The following RMDN3 variants were observed in gnomAD, a reference collection of about 807,000 sequenced individuals.
The protein encoded by RMDN3 is regulator of microtubule dynamics protein 3.
A neutral mutation model predicts 61.8 loss-of-function variants in RMDN3; 41 were observed. That is an observed-to-expected ratio of 0.66 (90% CI 0.52 to 0.86). The LOEUF (loss-of-function observed/expected upper bound fraction) is 0.86. RMDN3 is among the 40% of genes least tolerant of loss of function. The probability of loss-of-function intolerance (pLI) is 0.00; values close to 1 mark genes in which losing one functional copy is unlikely to be tolerated. For missense variants in RMDN3, 557 were observed against 585.3 expected, an observed-to-expected ratio of 0.95 and a Z score of 0.50; for synonymous variants, 247 against 232.0, an observed-to-expected ratio of 1.06 and a Z score of -0.59.
At chr15:40,741,441 G>A (rs1269974161) in intron 6 of RMDN3, among the ~76,000 whole-genome samples, 1 of 152,056 alleles carries the variant, frequency 6.6e-6, no homozygotes. Flanking sequence ...GGTCTGACCA[G>A]AGATGACGTT....
In RMDN3 at chr15:40,737,167, C is replaced by G. The variant is rs1237880767; in HGVS notation, c.1316G>C (p.Trp439Ser). 2 of 1,614,242 alleles carry G rather than the reference C, an allele frequency of 1.2e-6. No individual in the cohort carries two copies. Among genetic ancestry groups the G allele is most frequent in the Admixed American group, 3.3e-5 (2 of 60,026 alleles). The change falls in exon 12 of 13, where the codon TGG (tryptophan) becomes TCG (serine). Residue 439 changes from tryptophan to serine, a missense_variant. Transcript: ENST00000338376. ...CAGCTCCAGGGCCAACTTCATCCACCATCTAGCTTCAGAGTTTTTCCCTAG... is the reference window on the plus strand; with the variant it reads ...CAGCTCCAGGGCCAACTTCATCCACGATCTAGCTTCAGAGTTTTTCCCTAG... The part of the protein sequence containing the change: ...RELGKNSEAR[W>S]WMKLALELPD...
Position 40,738,042 on chromosome 15 carries a change from CCTAAGGGGAAAATGTAAATATAAA to C in RMDN3, c.1048-24_1048-1del. ...AGAGCAATGGCTTTGTCCACATGCT[CCTAAGGGGAAAATGTAAATATAAA>C]CTAACATCAGACACCAGAGTTGCTA... On this transcript the variant is annotated splice_acceptor_variant and splice_polypyrimidine_tract_variant and intron_variant, in intron 8 of 12. Transcript: ENST00000338376. LOFTEE classifies it high-confidence loss of function. The C allele has an allele frequency of 6.2e-7, 1 of 1,614,004 alleles. No homozygotes were observed. The highest frequency in any genetic ancestry group is 8.5e-7 in the Non-Finnish European group (1 of 1,179,956).
chr15:40,746,056 A>C (rs1014638688), intron 4 of RMDN3, among the ~76,000 whole-genome samples: 24 of 152,236 alleles, frequency 1.6e-4, no homozygotes, highest in African/African-American at 5.8e-4. Context: ...GGGGGCTGCC[A>C]TATGCCAGGT....
chr15:40,740,329 T>G, intron 6 of RMDN3, 136 bp from the exon 7 acceptor site: 1 of 698,436 alleles, frequency 1.4e-6, no homozygotes, highest in Non-Finnish European at 2.6e-6. Flanking sequence ...AGTTGTGAAC[T>G]TGAGCAGAAT....
In RMDN3 at chr15:40,736,243, T is replaced by G. The variant is rs1241136321; in HGVS notation, c.*298A>C. ...ATCCACCTCACCAGCAATTGGAAGG[T>G]CTCAGGTCTTGCAGGCTCTACCCAT... is the stretch of plus-strand genomic sequence containing the variant. On this transcript the variant is annotated 3_prime_UTR_variant, in exon 13 of 13. Transcript: ENST00000338376. 2.5e-6 allele frequency: 1 copy of G among 401,096 alleles called. No homozygotes were observed. Among genetic ancestry groups the G allele is most frequent in the Non-Finnish European group, 4.4e-6 (1 of 225,778 alleles). 24.8% of individuals were successfully genotyped at this position (401,096 alleles called of 1,614,324 possible). A position where few individuals can be genotyped will look rare whatever the true frequency, so the allele number is the denominator to read the frequency against.
rs1210439366 is a variant in RMDN3, at chr15:40,746,300, G to A, written c.525-1041C>T. Among the ~76,000 whole-genome samples, 4 of 152,128 alleles carry A rather than the reference G, an allele frequency of 2.6e-5. No individual in the cohort carries two copies. In the East Asian group the frequency reaches 7.7e-4, roughly 29 times the overall value. On this transcript the variant is annotated intron_variant, in intron 4 of 12. Coordinates refer to ENST00000338376, the MANE Select transcript of RMDN3 (RefSeq NM_018145.3). Reference sequence around the variant, plus strand: ...GGAGGCCGAGGCGGGCGGATCAGGAGGTCAGGAGATCAAGACCATCCTGGC... The same window carrying A: ...GGAGGCCGAGGCGGGCGGATCAGGAAGTCAGGAGATCAAGACCATCCTGGC...
chr15:40,737,413 G>T, intron 10 of RMDN3, 72 bp from the exon 11 acceptor site: 1 of 1,429,246 alleles, frequency 7.0e-7, no homozygotes, highest in Non-Finnish European at 9.9e-7. Flanking sequence ...TATTAAACTA[G>T]ATTTCTAGTC....
At chr15:40,738,228 A>C (rs1897140669) in intron 8 of RMDN3, among the ~76,000 whole-genome samples, 186 bp from the exon 9 acceptor site, 1 of 152,186 alleles carries the variant, frequency 6.6e-6, no homozygotes. Context: ...TCTGTGCTAA[A>C]GATACAAAAA....
chr15:40,737,597 T>C (rs1317757153), intron 10 of RMDN3, 31 bp downstream of exon 10: 1 of 1,564,206 alleles, frequency 6.4e-7, no homozygotes, highest in South Asian at 1.1e-5. Context: ...GTTACCCTGG[T>C]GTTTTTGCCT....
In RMDN3 at chr15:40,738,592, C is replaced by A. The variant is rs1447150900; in HGVS notation, c.972-16G>T. 1 of 1,614,024 alleles carries A rather than the reference C, an allele frequency of 6.2e-7. No individual in the cohort carries two copies. Among genetic ancestry groups the A allele is most frequent in the East Asian group, 2.2e-5 (1 of 44,880 alleles). On this transcript the variant is annotated splice_polypyrimidine_tract_variant and intron_variant, in intron 7 of 12. Transcript: ENST00000338376. ...CACCGCATACCTAGGGGGGAAGCAG[C>A]AAGCTCAGGGACAAGGGCTGAGTAC...
At chr15:40,740,065 AAAAG>A (rs1897217274) in intron 7 of RMDN3, 64 bp downstream of exon 7, 1 of 1,058,138 alleles carries the variant, frequency 9.5e-7, no homozygotes, top group South Asian at 1.3e-5. Flanking sequence ...CCAGGCAGAG[AAAAG>A]AAAGGGCTGT....
chr15:40,740,220 T>C (rs1897225467), intron 6 of RMDN3, 27 bp from the exon 7 acceptor site: 1 of 1,528,530 alleles, frequency 6.5e-7, no homozygotes, highest in South Asian at 1.1e-5. Context: ...GATCCAGAGT[T>C]GACATAGCTC....
At chr15:40,741,706 C>T (rs146728149) in intron 6 of RMDN3, among the ~76,000 whole-genome samples, 196 of 141,462 alleles carry the variant, frequency 1.4e-3, no homozygotes, top group African/African-American at 4.7e-3. Flanking sequence ...CTAGGCTCAC[C>T]GCAACCTCCG....
At chr15:40,753,916 G>A (rs1433777152) in intron 2 of RMDN3, among the ~76,000 whole-genome samples, 1 of 152,042 alleles carries the variant, frequency 6.6e-6, no homozygotes, top group East Asian at 1.9e-4. Context: ...TAATACATAA[G>A]CCTCAAGACT....
At chr15:40,751,715 A>C in intron 3 of RMDN3, 146 bp from the exon 4 acceptor site, 1 of 1,238,358 alleles carries the variant, frequency 8.1e-7, no homozygotes, top group Non-Finnish European at 1.2e-6. Context: ...CAGGAGGGCA[A>C]GCAGGGCAGC....
At chr15:40,752,566 A>G (rs1195063763) in intron 2 of RMDN3, among the ~76,000 whole-genome samples, 1 of 152,226 alleles carries the variant, frequency 6.6e-6, no homozygotes, top group African/African-American at 2.4e-5. Context: ...AGCAAAACTA[A>G]AACTAAAACT....
chr15:40,746,375 G>T (rs1897558546), intron 4 of RMDN3, among the ~76,000 whole-genome samples: 1 of 152,088 alleles, frequency 6.6e-6, no homozygotes, highest in Non-Finnish European at 1.5e-5. Flanking sequence ...AATTAGCCAG[G>T]CATGGTGGCA....
Position 40,751,509 on chromosome 15 carries a change from C to G in RMDN3, c.441G>C (p.Glu147Asp). 1.2e-6 allele frequency: 2 copies of G among 1,614,168 alleles called. No homozygotes were observed. The highest frequency in any genetic ancestry group is 1.7e-6 in the Non-Finnish European group (2 of 1,180,024). The change falls in exon 4 of 13, where the codon GAG becomes GAC. Residue 147 changes from glutamate to aspartate, a missense_variant. By Grantham distance (45) the Glu-to-Asp change is conservative (BLOSUM62 2). Transcript: ENST00000338376. ...AGCTGGAGCCAGTGGAGTCACTCCT[C>G]TCCCGGACAAACGGAAACCTTCGCC... ...ARRRRFPFVR[E>D]RSDSTGSSSV...
intron 6 of RMDN3, among the ~76,000 whole-genome samples, chr15:40,742,207 T>C (rs1173722845): frequency 8.7e-6 from 1 of 115,540 alleles, no homozygotes; most frequent in African/African-American, 2.9e-5. Context: ...AAGGTCTCAC[T>C]ATATTGCCCA....
Sources: gnomAD v4.1 joint callset for allele counts (sites outside exome capture counted in the v4.1 genomes callset) on GRCh38, gnomAD v4.1.1 for gene constraint, MANE v1.5 for transcripts, NCBI Gene and HGNC (gene_info 2026-07-23, HGNC 2026-07-21) for gene names.